The following PACRG variants were observed in gnomAD, a reference collection of about 807,000 sequenced individuals.
The protein encoded by PACRG is parkin coregulated.
Under a neutral mutation model 29.7 loss-of-function variants are expected in PACRG, and 29 were observed. The ratio of observed to expected loss-of-function variants is 0.98; its 90% CI spans 0.73 to 1.33. The LOEUF (loss-of-function observed/expected upper bound fraction) is 1.33. PACRG is among the 40% of genes most tolerant of loss of function. The pLI, the probability that PACRG is intolerant of heterozygous loss-of-function variation, is 0.00. For missense variants in PACRG, 279 were observed against 316.2 expected (o/e 0.88, Z 0.89); for synonymous variants, 116 against 118.7 (o/e 0.98, Z 0.15).
chr6:162,872,322 T>C (rs1792894511), intron 2 of PACRG, among the ~76,000 whole-genome samples: 1 of 152,360 alleles, frequency 6.6e-6, no homozygotes, highest in Middle Eastern at 3.4e-3. Context: ...AATGTAATTT[T>C]AAAATATCTT....
chr6:162,734,935 G>A (rs1780049869), intron 1 of PACRG, among the ~76,000 whole-genome samples: 1 of 152,124 alleles, frequency 6.6e-6, no homozygotes, highest in South Asian at 2.1e-4. Flanking sequence ...TCTGACTTTG[G>A]CCAACAGACT....
At chr6:162,942,542 T>G (rs1296450557) in intron 2 of PACRG, among the ~76,000 whole-genome samples, 1 of 152,200 alleles carries the variant, frequency 6.6e-6, no homozygotes, top group African/African-American at 2.4e-5. Flanking sequence ...AATATTATAG[T>G]GTTTTTCCAT....
At chr6:163,104,383 A>G (rs558836455) in intron 4 of PACRG, among the ~76,000 whole-genome samples, 21 of 152,312 alleles carry the variant, frequency 1.4e-4, no homozygotes, top group Non-Finnish European at 2.8e-4. Flanking sequence ...CTGTGTATGT[A>G]GCTGTCTTCG....
At chr6:163,211,865 G>A (rs1278489774) in intron 4 of PACRG, among the ~76,000 whole-genome samples, 1 of 152,126 alleles carries the variant, frequency 6.6e-6, no homozygotes, top group East Asian at 1.9e-4. Flanking sequence ...CAATAATTCA[G>A]CCCAAAGCCA....
intron 2 of PACRG, among the ~76,000 whole-genome samples, chr6:162,831,486 T>C (rs527654526): frequency 1.8e-4 from 28 of 152,328 alleles, no homozygotes; most frequent in African/African-American, 6.3e-4. Context: ...ACATTTATTT[T>C]GTTTCTTTGA....
At chr6:163,104,516 G>T (rs1009464062) in intron 4 of PACRG, among the ~76,000 whole-genome samples, 2 of 152,098 alleles carry the variant, frequency 1.3e-5, no homozygotes, top group African/African-American at 2.4e-5. Context: ...ATTTGATGAG[G>T]GTCTTGTGCT....
At chr6:162,729,033 C>A (rs568370580) in intron 1 of PACRG, among the ~76,000 whole-genome samples, 2 of 152,202 alleles carry the variant, frequency 1.3e-5, no homozygotes, top group East Asian at 3.9e-4. Context: ...TAATACAATT[C>A]ATATTTCATC....
chr6:163,172,647 T>C (rs1379617311), intron 4 of PACRG, among the ~76,000 whole-genome samples: 1 of 152,206 alleles, frequency 6.6e-6, no homozygotes, highest in Admixed American at 6.5e-5. Context: ...ATGCGAGAAC[T>C]CACATCTGGG....
At chr6:163,075,502 A>G (rs1279850383) in intron 3 of PACRG, among the ~76,000 whole-genome samples, 1 of 152,212 alleles carries the variant, frequency 6.6e-6, no homozygotes, top group Non-Finnish European at 1.5e-5. Context: ...AATTTATTAA[A>G]CAATATAACT....
At position 162,853,611 on chromosome 6, in the gene PACRG, C is replaced by T. The variant is rs1321669939; in HGVS notation, c.291+39330C>T. On this transcript the variant is annotated intron_variant, in intron 2 of 4. Transcript: ENST00000366888. This position sits in a 1 kb window ranked among gnomAD's most constrained non-coding sequence, Gnocchi z 4.7. ...ACATGTTCTCCCTTATAAGTGGGAG[C>T]TAAATGATAAGAACTTATGATCACA... Among the ~76,000 whole-genome samples the T allele has an allele frequency of 6.6e-6, 1 of 152,126 alleles. No homozygotes were observed. The highest frequency in any genetic ancestry group is 1.5e-5 in the Non-Finnish European group (1 of 68,018).
chr6:162,790,637 T>C (rs1429726491), intron 1 of PACRG, among the ~76,000 whole-genome samples: 1 of 152,206 alleles, frequency 6.6e-6, no homozygotes, highest in Non-Finnish European at 1.5e-5. Context: ...TTACTGTATA[T>C]ATCCCTTTTC....
At chr6:162,742,505 A>G (rs1245265665) in intron 1 of PACRG, among the ~76,000 whole-genome samples, 1 of 152,146 alleles carries the variant, frequency 6.6e-6, no homozygotes, top group Admixed American at 6.5e-5. Flanking sequence ...ACAACATGTA[A>G]GTGAGATTGT....
In PACRG at chr6:162,728,060, A is replaced by G. The variant is rs774959595; in HGVS notation, c.-176A>G. ...TCTTCCCGCCCCGCCCCTAGGGTCCAGCTCCCTTCACCTAGGAGCTGCCAA... is the reference window on the plus strand; with the variant it reads ...TCTTCCCGCCCCGCCCCTAGGGTCCGGCTCCCTTCACCTAGGAGCTGCCAA... On this transcript the variant is annotated 5_prime_UTR_variant, in exon 1 of 5. Transcript: ENST00000366888. The G allele has an allele frequency of 1.4e-5, 11 of 775,486 alleles. No homozygotes were observed. Among genetic ancestry groups the G allele is most frequent in the Non-Finnish European group, 2.1e-5 (10 of 474,172 alleles). 48.0% of individuals were successfully genotyped at this position (775,486 alleles called of 1,614,324 possible).
chr6:162,909,554 CAAAAA>C (rs562001835), intron 2 of PACRG, among the ~76,000 whole-genome samples: 3 of 70,054 alleles, frequency 4.3e-5, no homozygotes, highest in African/African-American at 1.6e-4. Context: ...GACTCCATCT[CAAAAA>C]AAAAAAAAAA....
chr6:162,850,614 C>G (rs899995459), intron 2 of PACRG, among the ~76,000 whole-genome samples: 15 of 152,128 alleles, frequency 9.9e-5, no homozygotes, highest in African/African-American at 3.4e-4. Flanking sequence ...TCAGGGAGCT[C>G]GGAATAGCTC....
At chr6:162,928,895 T>A (rs1797646476) in intron 2 of PACRG, among the ~76,000 whole-genome samples, 1 of 152,002 alleles carries the variant, frequency 6.6e-6, no homozygotes, top group Non-Finnish European at 1.5e-5. Flanking sequence ...TGGCATATAT[T>A]ACTTAACATA....
At chr6:162,862,477 A>C (rs56127965) in intron 2 of PACRG, among the ~76,000 whole-genome samples, 10,245 of 152,280 alleles carry the variant, frequency 0.067, 622 homozygotes, top group East Asian at 0.28. Flanking sequence ...GAAGCAATTG[A>C]TGCTAGGCAC....
At chr6:163,283,725 C>T (rs905448063) in intron 4 of PACRG, among the ~76,000 whole-genome samples, 88 of 150,322 alleles carry the variant, frequency 5.9e-4, no homozygotes, top group Non-Finnish European at 1.0e-3. Flanking sequence ...GGCGTGAACC[C>T]GGGAAGCGGA....
intron 4 of PACRG, among the ~76,000 whole-genome samples, chr6:163,100,344 T>A (rs1814989586): frequency 6.6e-6 from 1 of 152,106 alleles, no homozygotes; most frequent in Non-Finnish European, 1.5e-5. Flanking sequence ...TCGCCCGGCG[T>A]GCTGCCCGGA....
Sources: gnomAD v4.1 joint callset for allele counts (sites outside exome capture counted in the v4.1 genomes callset) on GRCh38, gnomAD v4.1.1 for gene constraint, Gnocchi (gnomAD v3.1) non-coding constraint, MANE v1.5 for transcripts, NCBI Gene and HGNC (gene_info 2026-07-23, HGNC 2026-07-21) for gene names.